Variants in ABCA10 observed in about 807,000 individuals in gnomAD.
ABCA10 encodes ATP-binding cassette sub-family A member 10.
A neutral mutation model predicts 187.5 loss-of-function variants in ABCA10; 169 were observed. That is an observed-to-expected ratio of 0.90 (90% CI 0.80 to 1.02). The LOEUF (loss-of-function observed/expected upper bound fraction) is 1.02. Ranked by LOEUF, ABCA10 falls within the 50% of genes least tolerant of loss-of-function variation. ABCA10 has a pLI of 0.00. For synonymous variants in ABCA10, 574 were observed against 601.8 expected, an observed-to-expected ratio of 0.95 and a Z score of 0.68; for missense variants, 1,727 against 1,812.4, an observed-to-expected ratio of 0.95 and a Z score of 0.86.
intron 26 of ABCA10, 128 bp from the exon 27 acceptor site, chr17:69,164,282 G>C: frequency 1.4e-6 from 1 of 726,904 alleles, no homozygotes; most frequent in Non-Finnish European, 2.1e-6. Context: ...ATTGAGATGA[G>C]AAGAGTTGTT....
chr17:69,194,779 C>G (rs1202665393), intron 11 of ABCA10, among the ~76,000 whole-genome samples: 1 of 151,986 alleles, frequency 6.6e-6, no homozygotes, highest in Non-Finnish European at 1.5e-5. Context: ...AATAATAAAA[C>G]AAAGACTACT....
At chr17:69,171,546 A>G (rs1384933094) in intron 25 of ABCA10, among the ~76,000 whole-genome samples, 1 of 152,164 alleles carries the variant, frequency 6.6e-6, no homozygotes, top group Non-Finnish European at 1.5e-5. Flanking sequence ...CAGACAGGCA[A>G]TATCTGAAGT....
At chr17:69,209,327 TTC>T (rs2074617844) in intron 9 of ABCA10, among the ~76,000 whole-genome samples, 4 of 35,448 alleles carry the variant, frequency 1.1e-4, no homozygotes, top group Non-Finnish European at 5.4e-4. Flanking sequence ...AATTAGAGAA[TTC>T]AATTCATTTC....
At chr17:69,220,625 AC>A (rs1756204505) in intron 5 of ABCA10, among the ~76,000 whole-genome samples, 3 of 152,176 alleles carry the variant, frequency 2.0e-5, no homozygotes, top group African/African-American at 7.2e-5. Context: ...TTACAGAAAA[AC>A]ATCCATGTTC....
intron 23 of ABCA10, 116 bp from the exon 24 acceptor site, chr17:69,174,893 C>T (rs2074323718): frequency 2.4e-6 from 2 of 848,032 alleles, no homozygotes; most frequent in Non-Finnish European, 1.7e-6. Flanking sequence ...GTCTGTGTGA[C>T]AAAAAGCATC....
At chr17:69,194,059 GTATT>G (rs2074481561) in intron 12 of ABCA10, 70 bp from the exon 13 acceptor site, 1 of 1,393,200 alleles carries the variant, frequency 7.2e-7, no homozygotes, top group Admixed American at 2.5e-5. Flanking sequence ...ATATATGTTA[GTATT>G]TAGATTTTGT....
intron 37 of ABCA10, 90 bp downstream of exon 37, chr17:69,149,894 C>T (rs890641976): frequency 1.8e-5 from 18 of 995,714 alleles, no homozygotes; most frequent in Non-Finnish European, 1.9e-5. Context: ...TTGATTATTT[C>T]ATTGTTCTAC....
At chr17:69,188,681 A>G (rs954278120) in intron 18 of ABCA10, among the ~76,000 whole-genome samples, 1 of 151,500 alleles carries the variant, frequency 6.6e-6, no homozygotes, top group African/African-American at 2.4e-5. Flanking sequence ...GTCATTTTTC[A>G]ATTCTCATCC....
upstream of ABCA10, among the ~76,000 whole-genome samples, chr17:69,229,121 T>C (rs993705282): frequency 1.3e-5 from 2 of 152,060 alleles, no homozygotes; most frequent in Non-Finnish European, 1.5e-5. Flanking sequence ...AATGGTTCCT[T>C]GTATTCACTA....
chr17:69,175,289 A>C, intron 23 of ABCA10, 117 bp downstream of exon 23: 1 of 796,494 alleles, frequency 1.3e-6, no homozygotes, highest in Non-Finnish European at 2.0e-6. Flanking sequence ...TTAGATTGTA[A>C]TGTATGTGTA....
intron 6 of ABCA10, among the ~76,000 whole-genome samples, chr17:69,216,852 A>AT (rs892437722): frequency 1.6e-4 from 24 of 152,258 alleles, no homozygotes; most frequent in African/African-American, 5.3e-4. Flanking sequence ...AGCTCATTTC[A>AT]TTTTTTATCC....
At position 69,197,194 on chromosome 17, in the gene ABCA10, CT is replaced by C. The variant is rs2074512407; in HGVS notation, c.1176-73del. ...TAATAACACAGATTACAGTTCATAA[CT>C]AAGCCTGAACTTCACAGTAAAGGGT... On this transcript the variant is annotated intron_variant, in intron 10 of 38. Coordinates refer to ENST00000690296, the MANE Select transcript of ABCA10 (RefSeq NM_001377321.1). 4.9e-6 allele frequency: 6 copies of C among 1,232,848 alleles called. No homozygotes were observed. The Admixed American group carries it at 9.3e-5, about 19-fold the overall frequency. 76.4% of individuals were successfully genotyped at this position (1,232,848 alleles called of 1,614,324 possible). A position where few individuals can be genotyped will look rare whatever the true frequency, so the allele number is the denominator to read the frequency against.
At chr17:69,167,018 T>C (rs942855033) in intron 25 of ABCA10, among the ~76,000 whole-genome samples, 1 of 152,204 alleles carries the variant, frequency 6.6e-6, no homozygotes, top group African/African-American at 2.4e-5. Context: ...AAACACCAAT[T>C]GCCAGTCTTT....
rs563115258 is a variant in ABCA10 at position 69,214,320 on chromosome 17, C to T, written c.1006+384G>A. On this transcript the variant is annotated intron_variant, in intron 9 of 38. Coordinates refer to ENST00000690296, the MANE Select transcript of ABCA10 (RefSeq NM_001377321.1). The stretch of plus-strand genomic sequence containing the variant: ...CACGAGGTCAGGAGATCGAGACCAT[C>T]CCGGCTAAAACGGTGAAACCCCGTC... 1.4e-4 allele frequency among the ~76,000 whole-genome samples: 21 copies of T among 152,070 alleles called. 1 individual carries two copies. Among genetic ancestry groups the T allele is most frequent in the African/African-American group, 5.1e-4 (21 of 41,482 alleles).
At chr17:69,176,181 GTCATTTGTTCCAGT>G (rs1490994756) in intron 22 of ABCA10, among the ~76,000 whole-genome samples, 1 of 152,126 alleles carries the variant, frequency 6.6e-6, no homozygotes, top group Non-Finnish European at 1.5e-5. Context: ...GAGTTAAGTT[GTCATTTGTTCCAGT>G]TCCCTATTTC....
At chr17:69,182,094 C>T in intron 22 of ABCA10, 59 bp downstream of exon 22, 1 of 1,405,906 alleles carries the variant, frequency 7.1e-7, no homozygotes, top group Non-Finnish European at 9.3e-7. Context: ...GGCTCTAGAG[C>T]CCTCATCCTT....
intron 1 of ABCA10, among the ~76,000 whole-genome samples, chr17:69,240,602 T>G (rs1004482718): frequency 6.6e-6 from 1 of 152,160 alleles, no homozygotes; most frequent in Non-Finnish European, 1.5e-5. Context: ...AATAGTACCA[T>G]GTGGTGAGAT....
rs769012742 is a variant in ABCA10, at chr17:69,182,305, C to T, written c.2632-15G>A. Reference sequence around the variant, plus strand: ...AATCTGTAATCCTTGAAAAAAAGTACACAAATATAAGTTATAAATTCTTAT... The same window carrying T: ...AATCTGTAATCCTTGAAAAAAAGTATACAAATATAAGTTATAAATTCTTAT... On this transcript the variant is annotated splice_polypyrimidine_tract_variant and intron_variant, in intron 21 of 38. Coordinates refer to ENST00000690296, the MANE Select transcript of ABCA10 (RefSeq NM_001377321.1). 7 of 1,466,898 alleles carry T rather than the reference C, an allele frequency of 4.8e-6. No homozygotes were observed. In the African/African-American group the frequency reaches 5.8e-5, roughly 12 times the overall value. The allele number at this position is 1,466,898 out of a possible 1,614,324, so 90.9% of individuals were successfully genotyped here. A position where few individuals can be genotyped will look rare whatever the true frequency, so the allele number is the denominator to read the frequency against.
At chr17:69,149,862 G>T in intron 37 of ABCA10, 122 bp downstream of exon 37, 3 of 736,534 alleles carry the variant, frequency 4.1e-6, no homozygotes, top group Non-Finnish European at 6.5e-6. Context: ...GACTATCCTG[G>T]TAGGGATTTT....
Sources: gnomAD v4.1 joint callset for allele counts (sites outside exome capture counted in the v4.1 genomes callset) on GRCh38, gnomAD v4.1.1 for gene constraint, MANE v1.5 for transcripts, NCBI Gene and HGNC (gene_info 2026-07-23, HGNC 2026-07-21) for gene names.